The following CADM2 variants were observed in gnomAD, a reference collection of about 807,000 sequenced individuals.
CADM2 encodes the protein cell adhesion molecule 2, also known as immunoglobulin superfamily member 4D.
Under a neutral mutation model 49.8 loss-of-function variants are expected in CADM2, and 12 were observed. That is an observed-to-expected ratio of 0.24 (90% CI 0.15 to 0.39). The LOEUF (loss-of-function observed/expected upper bound fraction) is 0.39. CADM2 is among the 10% of genes least tolerant of loss of function. The probability of loss-of-function intolerance (pLI) is 1.00; values close to 1 mark genes in which losing one functional copy is unlikely to be tolerated. For missense variants in CADM2, 378 were observed against 492.3 expected (o/e 0.77, Z 2.20); for synonymous variants, 214 against 175.4 (o/e 1.22, Z -1.74).
intron 2 of CADM2, among the ~76,000 whole-genome samples, chr3:85,784,588 TG>T (rs2070868381): frequency 6.6e-6 from 1 of 151,820 alleles, no homozygotes; most frequent in African/African-American, 2.4e-5. Context: ...CTAACACGTT[TG>T]GTTTCACATC....
chr3:85,329,616 C>T (rs1418378303), intron 1 of CADM2, among the ~76,000 whole-genome samples: 3 of 151,838 alleles, frequency 2.0e-5, no homozygotes, highest in Non-Finnish European at 2.9e-5. Context: ...AACAAAAAAA[C>T]AAATACACAT....
At chr3:85,929,106 GTACAA>G (rs1157496291) in intron 6 of CADM2, among the ~76,000 whole-genome samples, 49 of 151,990 alleles carry the variant, frequency 3.2e-4, no homozygotes, top group African/African-American at 1.1e-3. Context: ...TTACTAATTG[GTACAA>G]TACAATACAT....
intron 2 of CADM2, among the ~76,000 whole-genome samples, chr3:85,784,181 A>C (rs1458813828): frequency 6.6e-6 from 1 of 152,218 alleles, no homozygotes; most frequent in Admixed American, 6.5e-5. Flanking sequence ...AATTTCCTGC[A>C]GTTGTCCTCT....
chr3:85,000,453 AAAC>A (rs2033407718), intron 1 of CADM2, among the ~76,000 whole-genome samples: 1 of 151,338 alleles, frequency 6.6e-6, no homozygotes, highest in Non-Finnish European at 1.5e-5. Context: ...TCACAAAAAA[AAAC>A]AGTCTTTTAC....
chr3:85,039,113 T>C (rs991706127), intron 1 of CADM2, among the ~76,000 whole-genome samples: 1 of 152,138 alleles, frequency 6.6e-6, no homozygotes, highest in Non-Finnish European at 1.5e-5. Context: ...GCGATTCTCC[T>C]GCCTCAGCCT....
Position 84,991,648 on chromosome 3 carries a change from T to C in CADM2, c.61+31980T>C, listed in dbSNP as rs2032896073. 2.6e-5 allele frequency among the ~76,000 whole-genome samples: 4 copies of C among 152,198 alleles called. No homozygotes were observed. In the South Asian group the frequency reaches 8.3e-4, roughly 31 times the overall value. On this transcript the variant is annotated intron_variant, in intron 1 of 9. Coordinates refer to ENST00000383699, the MANE Select transcript of CADM2 (RefSeq NM_001167675.2). ...GACACAATCCAGCAATGAAGTTCCT[T>C]GATGTTTTCCCAAAGGAGCTGAAAA...
At chr3:86,051,751 G>C (rs79218492) in intron 8 of CADM2, among the ~76,000 whole-genome samples, 1 of 152,066 alleles carries the variant, frequency 6.6e-6, no homozygotes, top group Non-Finnish European at 1.5e-5. Context: ...AGAGAGAGCC[G>C]AGGGAGGTGC....
chr3:85,927,623 T>C (rs941796832), intron 6 of CADM2, among the ~76,000 whole-genome samples: 2 of 152,158 alleles, frequency 1.3e-5, no homozygotes, highest in African/African-American at 4.8e-5. Context: ...CCAAAGACTG[T>C]AATATAAGCA....
intron 1 of CADM2, among the ~76,000 whole-genome samples, chr3:85,096,989 C>G (rs2037823341): frequency 6.6e-6 from 1 of 151,728 alleles, no homozygotes; most frequent in Non-Finnish European, 1.5e-5. Context: ...GTATAGAGTT[C>G]CAGTTGGATT....
chr3:84,993,722 A>G (rs2033023390), intron 1 of CADM2, among the ~76,000 whole-genome samples: 1 of 152,190 alleles, frequency 6.6e-6, no homozygotes, highest in Non-Finnish European at 1.5e-5. Context: ...AGGAGTTAGC[A>G]TGCTTTGTTT....
In CADM2 at chr3:86,074,088, G is replaced by A. The variant is rs1287445021; in HGVS notation, c.*7305G>A. The A allele has an allele frequency of 1.3e-5, 2 of 151,882 alleles. No homozygotes were observed. The highest frequency in any genetic ancestry group is 4.8e-5 in the African/African-American group (2 of 41,398). The allele number at this position is 151,882 out of a possible 1,614,324, so 9.4% of individuals were successfully genotyped here. On this transcript the variant is annotated 3_prime_UTR_variant, in exon 10 of 10. Transcript: ENST00000383699. The stretch of plus-strand genomic sequence containing the variant: ...CATTCACTTATGTGTGTTTACTAAT[G>A]TTGAGTAGGAACAGAAGCAAAAATA...
chr3:84,968,898 C>T (rs1202150572), intron 1 of CADM2, among the ~76,000 whole-genome samples: 3 of 152,000 alleles, frequency 2.0e-5, no homozygotes, highest in Admixed American at 6.6e-5. Flanking sequence ...AATATCAGTG[C>T]ATTGCCAAAT....
At position 85,446,715 on chromosome 3, in the gene CADM2, G is replaced by A. The variant is rs550668597; in HGVS notation, c.62-279807G>A. Among the ~76,000 whole-genome samples the A allele has an allele frequency of 2.0e-5, 3 of 148,658 alleles. No individual in the cohort carries two copies. In the East Asian group the frequency reaches 6.1e-4, roughly 30 times the overall value. ...CATCCCAGGTTCAAGCGATTCTCCT[G>A]CCTCAGCCTCCTGAGTAGCTGGGAT... On this transcript the variant is annotated intron_variant, in intron 1 of 9. Transcript: ENST00000383699.
At chr3:86,060,324 C>A (rs11914992) in intron 8 of CADM2, among the ~76,000 whole-genome samples, 7 of 151,666 alleles carry the variant, frequency 4.6e-5, no homozygotes, top group Non-Finnish European at 1.0e-4. Context: ...ATCAATGAAA[C>A]CTTTCCCTAA....
intron 1 of CADM2, among the ~76,000 whole-genome samples, chr3:85,532,775 A>C (rs2061343359): frequency 6.6e-6 from 1 of 152,252 alleles, no homozygotes; most frequent in Non-Finnish European, 1.5e-5. Flanking sequence ...CATCAGTGAT[A>C]GACTGGATAA....
At chr3:85,499,817 A>G (rs999573921) in intron 1 of CADM2, among the ~76,000 whole-genome samples, 6 of 152,130 alleles carry the variant, frequency 3.9e-5, no homozygotes, top group Admixed American at 2.0e-4. Context: ...GAGCAAAATT[A>G]GGCTGCTTTT....
intron 1 of CADM2, among the ~76,000 whole-genome samples, chr3:85,606,583 C>T (rs1576918690): frequency 6.6e-6 from 1 of 152,008 alleles, no homozygotes; most frequent in African/African-American, 2.4e-5. Context: ...GGGCAAAGTG[C>T]CTTAAAAATA....
chr3:85,206,067 G>A (rs72911121), intron 1 of CADM2, among the ~76,000 whole-genome samples: 1 of 151,924 alleles, frequency 6.6e-6, no homozygotes, highest in African/African-American at 2.4e-5. Context: ...AATCAAAGAA[G>A]TTCCGGATGT....
At chr3:85,652,134 A>G (rs935978399) in intron 1 of CADM2, among the ~76,000 whole-genome samples, 9 of 151,998 alleles carry the variant, frequency 5.9e-5, no homozygotes, top group African/African-American at 1.9e-4. Flanking sequence ...CTTATTTTTA[A>G]TGACTTAAGA....
Sources: allele counts gnomAD v4.1 joint callset (sites outside exome capture counted in the v4.1 genomes callset), GRCh38; gene constraint gnomAD v4.1.1; transcripts MANE v1.5; gene names NCBI Gene and HGNC (gene_info 2026-07-23, HGNC 2026-07-21).